The following ZC3H12C variants were observed in gnomAD, a reference collection of about 807,000 sequenced individuals.
ZC3H12C encodes the protein zinc finger CCCH-type containing 12C, also known as probable ribonuclease ZC3H12C.
A neutral mutation model predicts 76.3 loss-of-function variants in ZC3H12C; 20 were observed. The ratio of observed to expected loss-of-function variants is 0.26; its 90% CI spans 0.18 to 0.38. The LOEUF (loss-of-function observed/expected upper bound fraction) is 0.38. Ranked by LOEUF, ZC3H12C falls within the 10% of genes least tolerant of loss-of-function variation. The probability of loss-of-function intolerance (pLI) is 1.00; values close to 1 mark genes in which losing one functional copy is unlikely to be tolerated. For missense variants in ZC3H12C, 874 were observed against 1,086.5 expected, an observed-to-expected ratio of 0.80 and a Z score of 2.75; for synonymous variants, 352 against 399.6, an observed-to-expected ratio of 0.88 and a Z score of 1.42.
intron 1 of ZC3H12C, among the ~76,000 whole-genome samples, chr11:110,102,495 T>G: frequency 6.6e-6 from 1 of 151,564 alleles, no homozygotes; most frequent in African/African-American, 2.4e-5. Flanking sequence ...AGATGAGGAG[T>G]TGTGTCTTCT....
chr11:110,105,978 A>C (rs1861318115), intron 1 of ZC3H12C, among the ~76,000 whole-genome samples: 1 of 75,984 alleles, frequency 1.3e-5, no homozygotes, highest in East Asian at 9.7e-4. Flanking sequence ...CATCTAGAAA[A>C]GTTATACCAG....
intron 3 of ZC3H12C, 81 bp downstream of exon 3, chr11:110,153,139 A>T: frequency 1.7e-5 from 25 of 1,500,808 alleles, no homozygotes; most frequent in Non-Finnish European, 2.1e-5. Context: ...AGGTATCCTA[A>T]ATCCATTTCA....
Position 110,168,669 on chromosome 11 carries a change from G to A in ZC3H12C, c.*2932G>A, listed in dbSNP as rs1488885014. 2 of 152,168 alleles carry A rather than the reference G, an allele frequency of 1.3e-5. No individual in the cohort carries two copies. The highest frequency in any genetic ancestry group is 4.8e-5 in the African/African-American group (2 of 41,450). The allele number at this position is 152,168 out of a possible 1,614,324, so 9.4% of individuals were successfully genotyped here. A position where few individuals can be genotyped will look rare whatever the true frequency, so the allele number is the denominator to read the frequency against. ...TAACTAGCCAGTCTGTTGTCTCTGT[G>A]TCTTAGTCCAGAGGGAATAGTACCC... On this transcript the variant is annotated 3_prime_UTR_variant, in exon 6 of 6. Transcript: ENST00000278590.
intron 3 of ZC3H12C, among the ~76,000 whole-genome samples, chr11:110,158,852 A>T (rs188913485): frequency 6.6e-6 from 1 of 152,330 alleles, no homozygotes; most frequent in Admixed American, 6.5e-5. Flanking sequence ...AAAGGAAAAA[A>T]ATGTATTGCT....
rs114289324 is a variant in ZC3H12C, at chr11:110,114,098, T to C, written c.21+20666T>C. 9.6e-3 allele frequency among the ~76,000 whole-genome samples: 1,461 copies of C among 152,334 alleles called. 20 individuals are homozygous for C. The highest frequency in any genetic ancestry group is 0.033 in the African/African-American group (1,383 of 41,564). ...GACTTTCCATGAACCAGCCACATCC[T>C]GACTGACTAGCCGCTTCTCCGGGAG... On this transcript the variant is annotated intron_variant, in intron 1 of 5. Coordinates refer to ENST00000278590, the MANE Select transcript of ZC3H12C (RefSeq NM_033390.2).
At chr11:110,113,670 A>G (rs1214455200) in intron 1 of ZC3H12C, among the ~76,000 whole-genome samples, 2 of 152,192 alleles carry the variant, frequency 1.3e-5, no homozygotes, top group Non-Finnish European at 2.9e-5. Flanking sequence ...TAGCTCTCTC[A>G]GGGACCATTA....
At chr11:110,109,571 T>TAA (rs1190916072) in intron 1 of ZC3H12C, among the ~76,000 whole-genome samples, 1 of 152,206 alleles carries the variant, frequency 6.6e-6, no homozygotes, top group East Asian at 1.9e-4. Flanking sequence ...TTTTACTTTT[T>TAA]AATTTTGCTT....
chr11:110,169,339 G>GGGGT lies in ZC3H12C; in HGVS notation c.*3603_*3604insGGTG, dbSNP rs1862634101. On this transcript the variant is annotated 3_prime_UTR_variant, in exon 6 of 6. Transcript: ENST00000278590. ...TGTGACAGGTGGGAGGATGGCTCTG[G>GGGGT]GTGTGTGTGTGTGTGTGTGTGTGTG... 6.8e-6 allele frequency: 1 copy of GGGGT among 146,266 alleles called. No homozygotes were observed. The highest frequency in any genetic ancestry group is 2.2e-4 in the South Asian group (1 of 4,486). 9.1% of individuals were successfully genotyped at this position (146,266 alleles called of 1,614,324 possible). A position where few individuals can be genotyped will look rare whatever the true frequency, so the allele number is the denominator to read the frequency against.
intron 2 of ZC3H12C, among the ~76,000 whole-genome samples, chr11:110,141,510 G>T (rs538941556): frequency 6.6e-6 from 1 of 152,196 alleles, no homozygotes; most frequent in East Asian, 1.9e-4. Flanking sequence ...TCAATTGTTT[G>T]GTTGGTTTTG....
chr11:110,166,099 TTGTC>T lies in ZC3H12C; in HGVS notation c.*364_*367del, dbSNP rs1862580225. 1 of 183,498 alleles carries T rather than the reference TTGTC, an allele frequency of 5.4e-6. No individual in the cohort carries two copies. Among genetic ancestry groups the T allele is most frequent in the African/African-American group, 2.4e-5 (1 of 42,208 alleles). The allele number at this position is 183,498 out of a possible 1,614,324, so 11.4% of individuals were successfully genotyped here. A position where few individuals can be genotyped will look rare whatever the true frequency, so the allele number is the denominator to read the frequency against. On this transcript the variant is annotated 3_prime_UTR_variant, in exon 6 of 6. Transcript: ENST00000278590. ...GTTTTGTGTTTTATTAACTTGGTGT[TTGTC>T]TATCAATTGCAAGCAATTACAATAC...
chr11:110,098,823 A>G (rs888035378), intron 1 of ZC3H12C, among the ~76,000 whole-genome samples: 1 of 152,256 alleles, frequency 6.6e-6, no homozygotes, highest in Non-Finnish European at 1.5e-5. Context: ...ATGTTTGCAC[A>G]AAGAGGAAAT....
intron 1 of ZC3H12C, among the ~76,000 whole-genome samples, chr11:110,114,587 A>G (rs1861491320): frequency 6.6e-6 from 1 of 152,142 alleles, no homozygotes; most frequent in Non-Finnish European, 1.5e-5. Flanking sequence ...TTAACCTTTC[A>G]TTTAGTTTGA....
intron 1 of ZC3H12C, among the ~76,000 whole-genome samples, chr11:110,106,349 C>A (rs1861327644): frequency 6.6e-6 from 1 of 152,162 alleles, no homozygotes; most frequent in Non-Finnish European, 1.5e-5. Flanking sequence ...GTGTCCATTT[C>A]TCTGCACCCA....
chr11:110,128,883 C>T (rs1412834964), intron 1 of ZC3H12C, among the ~76,000 whole-genome samples: 3 of 122,270 alleles, frequency 2.5e-5, no homozygotes, highest in African/African-American at 9.6e-5. Context: ...CTATCACCAC[C>T]ACTAACAAAA....
At chr11:110,138,286 T>C (rs964699816) in intron 2 of ZC3H12C, among the ~76,000 whole-genome samples, 3 of 152,140 alleles carry the variant, frequency 2.0e-5, no homozygotes, top group Non-Finnish European at 2.9e-5. Context: ...TAGAGTTTCA[T>C]ATGCAGTTTC....
At chr11:110,107,922 TA>T (rs1458799524) in intron 1 of ZC3H12C, among the ~76,000 whole-genome samples, 2 of 151,972 alleles carry the variant, frequency 1.3e-5, no homozygotes, top group African/African-American at 4.8e-5. Context: ...CTTGGCCTCC[TA>T]AAGTGCTGGG....
intron 1 of ZC3H12C, among the ~76,000 whole-genome samples, chr11:110,117,914 TTA>T (rs200347270): frequency 2.8e-5 from 3 of 107,208 alleles, no homozygotes; most frequent in East Asian, 3.6e-4. Context: ...CACATATATA[TTA>T]TATATATACA....
chr11:110,125,219 C>T (rs746463), intron 1 of ZC3H12C, among the ~76,000 whole-genome samples: 107,491 of 151,450 alleles, frequency 0.71, 38,413 homozygotes, highest in East Asian at 0.89. Context: ...TCTACTTCCT[C>T]TTTTAAGTCA....
chr11:110,109,620 G>T (rs1861392744), intron 1 of ZC3H12C, among the ~76,000 whole-genome samples: 2 of 151,860 alleles, frequency 1.3e-5, no homozygotes, highest in African/African-American at 4.8e-5. Flanking sequence ...TTATGCCTTT[G>T]TTCACCTTTA....
Sources: allele counts gnomAD v4.1 joint callset (sites outside exome capture counted in the v4.1 genomes callset), GRCh38; gene constraint gnomAD v4.1.1; transcripts MANE v1.5; gene names NCBI Gene and HGNC (gene_info 2026-07-23, HGNC 2026-07-21).